The following SRPK2 variants were observed in gnomAD, a reference collection of about 807,000 sequenced individuals.
The protein encoded by SRPK2 is SFRS protein kinase 2.
Under a neutral mutation model 90.8 loss-of-function variants are expected in SRPK2, and 21 were observed. The observed-to-expected ratio is 0.23, with a 90% confidence interval of 0.16 to 0.33. The LOEUF is 0.33. Ranked by LOEUF, SRPK2 falls within the 10% of genes least tolerant of loss-of-function variation. SRPK2 has a pLI of 1.00. For missense variants in SRPK2, 620 were observed against 869.0 expected, an observed-to-expected ratio of 0.71 and a Z score of 3.60; for synonymous variants, 288 against 311.1, an observed-to-expected ratio of 0.93 and a Z score of 0.78.
chr7:105,397,735 A>C (rs985006857), intron 1 of SRPK2, among the ~76,000 whole-genome samples: 1 of 150,954 alleles, frequency 6.6e-6, no homozygotes, highest in South Asian at 2.1e-4. Context: ...CCTCCGCCTC[A>C]TGGGTTCAAG....
chr7:105,223,165 A>T (rs1288600364), intron 2 of SRPK2, among the ~76,000 whole-genome samples: 1 of 152,238 alleles, frequency 6.6e-6, no homozygotes, highest in Admixed American at 6.5e-5. Context: ...CCATTTGTCC[A>T]GACCGGGCTC....
chr7:105,231,310 G>A (rs1320857642), intron 2 of SRPK2, among the ~76,000 whole-genome samples: 1 of 151,884 alleles, frequency 6.6e-6, no homozygotes, highest in Non-Finnish European at 1.5e-5. Flanking sequence ...TTATCCAGTC[G>A]GTCACTGATC....
At chr7:105,150,284 C>T (rs1050221275) in intron 7 of SRPK2, among the ~76,000 whole-genome samples, 4 of 152,156 alleles carry the variant, frequency 2.6e-5, no homozygotes, top group African/African-American at 4.8e-5. Flanking sequence ...TTCGGGAAGC[C>T]GAGGCAGGCA....
At chr7:105,176,749 A>ATATG (rs1791989770) in intron 3 of SRPK2, among the ~76,000 whole-genome samples, 1 of 144,318 alleles carries the variant, frequency 6.9e-6, no homozygotes, top group African/African-American at 2.6e-5. Flanking sequence ...ATGTGTGTAT[A>ATATG]TGTGTGTGTG....
intron 2 of SRPK2, among the ~76,000 whole-genome samples, chr7:105,365,510 T>A (rs201598112): frequency 0.012 from 1,374 of 116,324 alleles, 28 homozygotes; most frequent in African/African-American, 0.043. Flanking sequence ...AAAAAAAAAA[T>A]TATATATATA....
intron 2 of SRPK2, among the ~76,000 whole-genome samples, chr7:105,232,757 G>A (rs549575342): frequency 3.3e-5 from 5 of 151,950 alleles, no homozygotes; most frequent in Non-Finnish European, 5.9e-5. Context: ...GCTCACGCCT[G>A]TAATCCCAGC....
At chr7:105,167,598 C>CTTTATTTA (rs540624870) in intron 5 of SRPK2, 134 bp from the exon 6 acceptor site, 8 of 496,382 alleles carry the variant, frequency 1.6e-5, no homozygotes, top group East Asian at 3.6e-5. Flanking sequence ...AAAAAATAAA[C>CTTTATTTA]TTTATTTATT....
At chr7:105,322,724 A>T (rs367565506) in intron 2 of SRPK2, among the ~76,000 whole-genome samples, 1 of 150,104 alleles carries the variant, frequency 6.7e-6, no homozygotes, top group Non-Finnish European at 1.5e-5. Flanking sequence ...GGTGAATTTC[A>T]TATTATGTGA....
chr7:105,301,579 G>T, intron 2 of SRPK2: 1 of 1,592,642 alleles, frequency 6.3e-7, no homozygotes, highest in Non-Finnish European at 8.6e-7. Flanking sequence ...TTATGAAGGA[G>T]ATGAAAGTTT....
chr7:105,238,833 A>G (rs759197116), intron 2 of SRPK2, among the ~76,000 whole-genome samples: 2 of 152,234 alleles, frequency 1.3e-5, no homozygotes, highest in African/African-American at 2.4e-5. Flanking sequence ...AACATCATTT[A>G]TAACCCCACC....
intron 11 of SRPK2, among the ~76,000 whole-genome samples, chr7:105,141,784 A>G (rs1317537214): frequency 6.6e-6 from 1 of 152,232 alleles, no homozygotes; most frequent in African/African-American, 2.4e-5. Context: ...TAAAAATGAA[A>G]ACTGGTCAGA....
At chr7:105,390,611 T>TTTG (rs1822144461), upstream of SRPK2, among the ~76,000 whole-genome samples, 1 of 126,342 alleles carries the variant, frequency 7.9e-6, no homozygotes, top group East Asian at 2.1e-4. Context: ...GTTTTTGTTT[T>TTTG]TTTTTTTTTT....
intron 2 of SRPK2, among the ~76,000 whole-genome samples, chr7:105,250,186 C>T (rs1292470927): frequency 7.6e-6 from 1 of 131,460 alleles, no homozygotes; most frequent in Non-Finnish European, 1.6e-5. Context: ...AAAAAATTAG[C>T]CAGACATGGT....
intron 2 of SRPK2, among the ~76,000 whole-genome samples, chr7:105,295,272 A>G (rs575265821): frequency 2.0e-5 from 3 of 151,662 alleles, no homozygotes; most frequent in Admixed American, 1.3e-4. Flanking sequence ...CTATCTTTAC[A>G]TATTTATATA....
intron 2 of SRPK2, among the ~76,000 whole-genome samples, chr7:105,379,047 C>G (rs1820630093): frequency 6.6e-6 from 1 of 151,900 alleles, no homozygotes; most frequent in Non-Finnish European, 1.5e-5. Flanking sequence ...GTCCCAGCTA[C>G]TCAGCAGCCT....
At chr7:105,171,224 G>A (rs905689258) in intron 3 of SRPK2, among the ~76,000 whole-genome samples, 3 of 152,118 alleles carry the variant, frequency 2.0e-5, no homozygotes, top group African/African-American at 4.8e-5. Context: ...AGCAGAATAA[G>A]CAAGCTACAA....
chr7:105,194,345 A>T (rs943717741), intron 3 of SRPK2, among the ~76,000 whole-genome samples: 6 of 152,212 alleles, frequency 3.9e-5, no homozygotes, highest in African/African-American at 1.4e-4. Context: ...ATTCAACCTC[A>T]TGCATAAAAG....
chr7:105,135,794 T>C (rs910388336), intron 11 of SRPK2, among the ~76,000 whole-genome samples: 2 of 150,820 alleles, frequency 1.3e-5, no homozygotes, highest in African/African-American at 2.4e-5. Context: ...AGACAGAGTC[T>C]CACTCTGTCG....
chr7:105,281,488 CA>C (rs1807327107), intron 2 of SRPK2, among the ~76,000 whole-genome samples: 1 of 152,120 alleles, frequency 6.6e-6, no homozygotes, highest in Non-Finnish European at 1.5e-5. Flanking sequence ...TAAATTTGCT[CA>C]AGACTCCAGC....
Sources: gnomAD v4.1 joint callset for allele counts (sites outside exome capture counted in the v4.1 genomes callset) on GRCh38, gnomAD v4.1.1 for gene constraint, MANE v1.5 for transcripts, NCBI Gene and HGNC (gene_info 2026-07-23, HGNC 2026-07-21) for gene names.